Variants in CADM1 observed in about 807,000 individuals in gnomAD.
The protein encoded by CADM1 is TSLC-1.
CADM1 carries 15 observed loss-of-function variants against 53.1 expected under a neutral mutation model. The ratio of observed to expected loss-of-function variants is 0.28; its 90% confidence interval spans 0.19 to 0.44. The LOEUF (loss-of-function observed/expected upper bound fraction) is 0.44, where lower values mean the gene tolerates loss of function less well. Among genes scored for constraint, CADM1 ranks in the 20% least tolerant of loss-of-function variants. The pLI, the probability that CADM1 is intolerant of heterozygous loss-of-function variation, is 1.00. For missense variants in CADM1, 434 were observed against 611.3 expected (o/e 0.71, Z 3.06); for synonymous variants, 281 against 243.0 (o/e 1.16, Z -1.45).
chr11:115,179,966 G>A (rs187373774), intron 10 of CADM1, among the ~76,000 whole-genome samples: 2 of 152,308 alleles, frequency 1.3e-5, no homozygotes, highest in African/African-American at 4.8e-5. Flanking sequence ...AAGACTGAGA[G>A]TGCAAATTCA....
rs1202387497 is a variant in CADM1 at position 115,404,859 on chromosome 11, A to G, written c.124+99412T>C. Among the ~76,000 whole-genome samples, 10 of 151,628 alleles carry G rather than the reference A, an allele frequency of 6.6e-5. No homozygotes were observed. The East Asian group carries it at 1.7e-3, about 26-fold the overall frequency. ...CCTGCCTCAGGAAAAAAAAAAAAAA[A>G]AAAAAGACAAAACAAAATAATCCAA... On this transcript the variant is annotated intron_variant, in intron 1 of 11. Transcript: ENST00000331581.
At chr11:115,301,223 G>A (rs1944212872) in intron 1 of CADM1, among the ~76,000 whole-genome samples, 2 of 152,046 alleles carry the variant, frequency 1.3e-5, no homozygotes, top group Non-Finnish European at 2.9e-5. Flanking sequence ...ACTGAAAAGG[G>A]TTCTATTTTT....
At chr11:115,409,725 C>T (rs1221305147) in intron 1 of CADM1, among the ~76,000 whole-genome samples, 1 of 150,470 alleles carries the variant, frequency 6.6e-6, no homozygotes, top group African/African-American at 2.5e-5. Flanking sequence ...CAAATGCTTC[C>T]ATAAGCTTGA....
intron 1 of CADM1, among the ~76,000 whole-genome samples, chr11:115,304,840 T>C (rs950199162): frequency 7.9e-5 from 12 of 152,054 alleles, no homozygotes; most frequent in African/African-American, 1.9e-4. Flanking sequence ...AGACAGTTTT[T>C]GTCCTTGATT....
At chr11:115,430,994 T>C (rs901930839) in intron 1 of CADM1, among the ~76,000 whole-genome samples, 10 of 152,206 alleles carry the variant, frequency 6.6e-5, no homozygotes, top group African/African-American at 2.2e-4. Flanking sequence ...TTTAGTTTGA[T>C]ATTATCTTCT....
chr11:115,350,158 A>G (rs574447808), intron 1 of CADM1, among the ~76,000 whole-genome samples: 104 of 152,124 alleles, frequency 6.8e-4, no homozygotes, highest in Non-Finnish European at 1.3e-3. Context: ...TTTAGTAGAG[A>G]TGGGGTTTCT....
chr11:115,320,315 G>A (rs1394504277), intron 1 of CADM1, among the ~76,000 whole-genome samples: 3 of 152,036 alleles, frequency 2.0e-5, no homozygotes, highest in African/African-American at 7.2e-5. Context: ...CTCCCGTCTT[G>A]GCATCCCAAA....
intron 1 of CADM1, among the ~76,000 whole-genome samples, chr11:115,457,986 G>C (rs1015864781): frequency 2.0e-5 from 3 of 152,110 alleles, no homozygotes; most frequent in Non-Finnish European, 2.9e-5. Context: ...AATTGAACTA[G>C]AGACCTTTTG....
At chr11:115,271,261 ATGTTGTTGTTGTTGTTT>A (rs1202659038) in intron 1 of CADM1, among the ~76,000 whole-genome samples, 2 of 151,818 alleles carry the variant, frequency 1.3e-5, no homozygotes, top group South Asian at 2.1e-4. Context: ...TATATAGTTT[ATGTTGTTGTTGTTGTTT>A]TGTTGTTGTT....
intron 1 of CADM1, among the ~76,000 whole-genome samples, chr11:115,379,813 CA>C (rs1946530004): frequency 6.6e-6 from 1 of 152,086 alleles, no homozygotes; most frequent in Admixed American, 6.5e-5. Flanking sequence ...CACAGAAAAA[CA>C]AAAACTCCCT....
intron 1 of CADM1, among the ~76,000 whole-genome samples, chr11:115,439,044 A>G (rs1948247139): frequency 6.6e-6 from 1 of 152,212 alleles, no homozygotes; most frequent in Non-Finnish European, 1.5e-5. Flanking sequence ...GGAGGGGTGC[A>G]CTGGGTCTTC....
At chr11:115,429,455 A>C (rs931791733) in intron 1 of CADM1, among the ~76,000 whole-genome samples, 3 of 151,982 alleles carry the variant, frequency 2.0e-5, no homozygotes, top group Non-Finnish European at 4.4e-5. Context: ...AATACAAAAA[A>C]TTATCTGGGC....
chr11:115,261,833 G>T (rs570126910), intron 1 of CADM1, among the ~76,000 whole-genome samples: 3 of 150,632 alleles, frequency 2.0e-5, no homozygotes, highest in East Asian at 3.9e-4. Context: ...AGGCTGGAGT[G>T]CAGTGGTTCA....
intron 8 of CADM1, 70 bp from the exon 9 acceptor site, chr11:115,198,508 T>TG: frequency 1.6e-6 from 2 of 1,245,322 alleles, no homozygotes; most frequent in Non-Finnish European, 2.3e-6. Flanking sequence ...AAAGGGAAAA[T>TG]GGAAAAAAAA....
chr11:115,205,017 T>C (rs1940610716), intron 8 of CADM1, among the ~76,000 whole-genome samples: 1 of 152,200 alleles, frequency 6.6e-6, no homozygotes, highest in African/African-American at 2.4e-5. Context: ...ACTTCATTCT[T>C]ATGAAAGGAT....
At chr11:115,478,465 AAAAC>A (rs1398865545) in intron 1 of CADM1, among the ~76,000 whole-genome samples, 1 of 152,192 alleles carries the variant, frequency 6.6e-6, no homozygotes, top group Non-Finnish European at 1.5e-5. Context: ...TATCTAGACA[AAAAC>A]AAAGAGTAAA....
chr11:115,272,277 T>G (rs1258826883), intron 1 of CADM1, among the ~76,000 whole-genome samples: 2 of 152,210 alleles, frequency 1.3e-5, no homozygotes, highest in Non-Finnish European at 2.9e-5. Flanking sequence ...GTTGCAACAT[T>G]TCTCCAAATT....
chr11:115,257,249 C>A (rs1942820960), intron 1 of CADM1, among the ~76,000 whole-genome samples: 1 of 151,946 alleles, frequency 6.6e-6, no homozygotes, highest in African/African-American at 2.4e-5. Flanking sequence ...TGAGTGACTG[C>A]CAGCACCAGG....
intron 1 of CADM1, among the ~76,000 whole-genome samples, chr11:115,450,365 T>C (rs1388863966): frequency 6.6e-6 from 1 of 152,228 alleles, no homozygotes; most frequent in Non-Finnish European, 1.5e-5. Flanking sequence ...CCACAGTTTT[T>C]AACTTCATTC....
Sources: allele counts gnomAD v4.1 joint callset (sites outside exome capture counted in the v4.1 genomes callset), GRCh38; gene constraint gnomAD v4.1.1; transcripts MANE v1.5; gene names NCBI Gene and HGNC (gene_info 2026-07-23, HGNC 2026-07-21).